TRIM24: variants seen among roughly 807,000 people sequenced by gnomAD.
TRIM24 encodes transcription intermediary factor 1-alpha.
Under a neutral mutation model 123.9 loss-of-function variants are expected in TRIM24, and 29 were observed. That is an observed-to-expected ratio of 0.23 (90% CI 0.17 to 0.32). The LOEUF is 0.32. TRIM24 is among the 10% of genes least tolerant of loss of function. The probability of loss-of-function intolerance (pLI) is 1.00; values close to 1 mark genes in which losing one functional copy is unlikely to be tolerated. For missense variants in TRIM24, 932 were observed against 1,295.3 expected, an observed-to-expected ratio of 0.72 and a Z score of 4.31; for synonymous variants, 456 against 461.1, an observed-to-expected ratio of 0.99 and a Z score of 0.14.
chr7:138,523,750 C>CAAAAAAAAAAAAAAAAAAAAAAA (rs756103684), intron 4 of TRIM24, among the ~76,000 whole-genome samples: 1 of 57,232 alleles, frequency 1.7e-5, no homozygotes. Flanking sequence ...GACTCCGTCT[C>CAAAAAAAAAAAAAAAAAAAAAAA]AAAAAAAAAA....
At chr7:138,501,580 T>C (rs1796040749) in intron 1 of TRIM24, among the ~76,000 whole-genome samples, 2 of 152,026 alleles carry the variant, frequency 1.3e-5, no homozygotes, top group Admixed American at 6.5e-5. Flanking sequence ...TGCGATCCAT[T>C]GTTGGCTAAA....
intron 8 of TRIM24, among the ~76,000 whole-genome samples, chr7:138,551,862 A>G (rs1797218911): frequency 6.6e-6 from 1 of 152,180 alleles, no homozygotes. Flanking sequence ...TATCTTGCTT[A>G]GGGAAGACTT....
intron 11 of TRIM24, among the ~76,000 whole-genome samples, chr7:138,572,599 T>C (rs1470264968): frequency 2.6e-5 from 4 of 152,186 alleles, no homozygotes; most frequent in African/African-American, 9.7e-5. Context: ...CCAAAGGTGC[T>C]TCATAACTAG....
At chr7:138,574,476 C>T (rs559726983) in intron 12 of TRIM24, among the ~76,000 whole-genome samples, 1 of 152,170 alleles carries the variant, frequency 6.6e-6, no homozygotes, top group African/African-American at 2.4e-5. Context: ...CAAGTTTATA[C>T]AAATAAGGAA....
chr7:138,536,050 A>G (rs112122529), intron 6 of TRIM24, among the ~76,000 whole-genome samples: 2,781 of 152,236 alleles, frequency 0.018, 71 homozygotes, highest in African/African-American at 0.061. Context: ...TTCTTGTGCC[A>G]TGGTTTTCAG....
chr7:138,467,923 C>G (rs1563020971), intron 1 of TRIM24, among the ~76,000 whole-genome samples: 1 of 151,622 alleles, frequency 6.6e-6, no homozygotes, highest in Non-Finnish European at 1.5e-5. Context: ...TCAAGGACTC[C>G]TTAGGATTTT....
At chr7:138,495,206 A>G (rs1434920165) in intron 1 of TRIM24, among the ~76,000 whole-genome samples, 2 of 152,228 alleles carry the variant, frequency 1.3e-5, no homozygotes, top group Non-Finnish European at 2.9e-5. Context: ...AATTTGCTAT[A>G]CTTTTTAATA....
At chr7:138,516,131 G>C (rs28380017) in intron 3 of TRIM24, among the ~76,000 whole-genome samples, 3,237 of 152,092 alleles carry the variant, frequency 0.021, 93 homozygotes, top group African/African-American at 0.071. Context: ...AACCCCGTCT[G>C]TACTAAAAAC....
At chr7:138,496,118 A>T (rs1795901079) in intron 1 of TRIM24, among the ~76,000 whole-genome samples, 1 of 152,134 alleles carries the variant, frequency 6.6e-6, no homozygotes, top group South Asian at 2.1e-4. Context: ...TCAGTTTGTT[A>T]GTTACTACAA....
chr7:138,475,730 C>T (rs1034804863), intron 1 of TRIM24, among the ~76,000 whole-genome samples: 10 of 152,100 alleles, frequency 6.6e-5, no homozygotes, highest in African/African-American at 2.4e-4. Flanking sequence ...AAGCTGGTCT[C>T]GAACACCTGG....
chr7:138,554,827 G>C lies in TRIM24; in HGVS notation c.1391G>C (p.Ser464Thr), dbSNP rs146920958. ...NQLSKFPTQI[S>T]LAQLRLQHMQ... ...TTATCCAAGTTCCCAACACAGATCA[G>C]CCTAGCTCAATTACGGCTCCAGCAT... The change falls in exon 9 of 19, where the codon AGC (serine) becomes ACC (threonine). Residue 464 changes from serine to threonine, a missense_variant. Ser to Thr is a moderately conservative substitution (Grantham distance 58). This residue lies in a region of TRIM24 where 527 missense variants were observed against 691.3 expected (regional missense o/e 0.76). Transcript: ENST00000343526. The surrounding 1 kb of genome is among the most constrained non-coding windows in gnomAD (Gnocchi z 4.5). 12 of 1,614,058 alleles carry C rather than the reference G, an allele frequency of 7.4e-6. No individual in the cohort carries two copies. The Admixed American group carries it at 1.0e-4, about 13-fold the overall frequency.
At chr7:138,551,436 A>G (rs1024996552) in intron 8 of TRIM24, among the ~76,000 whole-genome samples, 2 of 152,206 alleles carry the variant, frequency 1.3e-5, no homozygotes, top group Admixed American at 6.5e-5. Flanking sequence ...AGTCCCAGCT[A>G]CTTGGAAGGC....
chr7:138,512,427 G>A (rs1488728443), intron 2 of TRIM24, among the ~76,000 whole-genome samples: 6 of 152,112 alleles, frequency 3.9e-5, no homozygotes, highest in Non-Finnish European at 8.8e-5. Flanking sequence ...CTCCGTGAAG[G>A]CTCTGCCCCT....
At chr7:138,578,263 GAAC>G (rs1797807004) in intron 14 of TRIM24, among the ~76,000 whole-genome samples, 1 of 151,838 alleles carries the variant, frequency 6.6e-6, no homozygotes, top group African/African-American at 2.4e-5. Context: ...GGTCTGCAGT[GAAC>G]AATATTTAAA....
In TRIM24 at chr7:138,504,399, G is replaced by A. The variant is rs1231169643; in HGVS notation, c.474G>A (p.Lys158=). The A allele has an allele frequency of 2.9e-6, 4 of 1,380,098 alleles. 1 individual carries two copies. Among genetic ancestry groups the A allele is most frequent in the South Asian group, 1.4e-5 (1 of 72,618 alleles). 85.5% of individuals were successfully genotyped at this position (1,380,098 alleles called of 1,614,324 possible). A position where few individuals can be genotyped will look rare whatever the true frequency, so the allele number is the denominator to read the frequency against. The change falls in exon 2 of 19, where the codon AAG becomes AAA. Residue 158 remains lysine, a synonymous_variant. Transcript: ENST00000343526. ...TTEVPSSTVE[K]SNQVCTSCED... is the part of the protein sequence containing the mutation. Reference sequence around the variant, plus strand: ...AGGTTCCCAGCAGTACAGTAGAAAAGTCAAATCAGGTAAGTGTATTACATC... The same window carrying A: ...AGGTTCCCAGCAGTACAGTAGAAAAATCAAATCAGGTAAGTGTATTACATC...
chr7:138,569,385 G>A (rs1797606470), intron 10 of TRIM24, among the ~76,000 whole-genome samples: 1 of 152,144 alleles, frequency 6.6e-6, no homozygotes, highest in Non-Finnish European at 1.5e-5. Context: ...AGTAGTAGAT[G>A]AGTTTAACAA....
chr7:138,479,603 C>G (rs1206094157), intron 1 of TRIM24, among the ~76,000 whole-genome samples: 1 of 151,928 alleles, frequency 6.6e-6, no homozygotes, highest in Non-Finnish European at 1.5e-5. Flanking sequence ...ATCTCTGCCT[C>G]CTGGGTTCAA....
chr7:138,568,357 G>A (rs1013526517), intron 10 of TRIM24, among the ~76,000 whole-genome samples: 4 of 127,714 alleles, frequency 3.1e-5, no homozygotes, highest in Middle Eastern at 5.2e-3. Context: ...TCCTAAACTC[G>A]TAAGCCACCG....
chr7:138,535,576 G>A (rs1349677326), intron 6 of TRIM24, among the ~76,000 whole-genome samples: 4 of 152,098 alleles, frequency 2.6e-5, no homozygotes, highest in Non-Finnish European at 4.4e-5. Flanking sequence ...AGTTTCTGCC[G>A]AGAGATCCAC....
Sources: allele counts gnomAD v4.1 joint callset (sites outside exome capture counted in the v4.1 genomes callset), GRCh38; gene constraint gnomAD v4.1.1; regional missense constraint gnomAD v4.1.1; non-coding constraint Gnocchi (gnomAD v3.1); transcripts MANE v1.5; gene names NCBI Gene and HGNC (gene_info 2026-07-23, HGNC 2026-07-21).